The following ACSS2 variants were observed in gnomAD, a reference collection of about 807,000 sequenced individuals.
The protein encoded by ACSS2 is acyl-CoA synthetase short chain family member 2, also known as acetyl-coenzyme A synthetase, cytoplasmic.
Under a neutral mutation model 90.6 loss-of-function variants are expected in ACSS2, and 58 were observed. The ratio of observed to expected loss-of-function variants is 0.64; its 90% confidence interval spans 0.52 to 0.80. The LOEUF (loss-of-function observed/expected upper bound fraction) is 0.80. Ranked by LOEUF, ACSS2 falls within the 30% of genes least tolerant of loss-of-function variation. The probability of loss-of-function intolerance (pLI) is 0.00; values close to 1 mark genes in which losing one functional copy is unlikely to be tolerated. For synonymous variants in ACSS2, 300 were observed against 330.9 expected (o/e 0.91, Z 1.01); for missense variants, 759 against 912.0 (o/e 0.83, Z 2.16).
intron 2 of ACSS2, among the ~76,000 whole-genome samples, chr20:34,890,787 A>G (rs145686303): frequency 6.5e-4 from 99 of 152,156 alleles, no homozygotes; most frequent in African/African-American, 2.3e-3. Context: ...ATCCTTCTTC[A>G]GGAACTGGAG....
At chr20:34,875,587 C>CAA (rs527427121), upstream of ACSS2, among the ~76,000 whole-genome samples, 1 of 151,952 alleles carries the variant, frequency 6.6e-6, no homozygotes. Flanking sequence ...AAAACAACAA[C>CAA]AAAAAAAGAG....
In ACSS2 at chr20:34,913,393, G is replaced by A. The variant is rs1427036847; in HGVS notation, c.467G>A (p.Gly156Asp). ...CQFSNVLRKQ[G>D]IQKGDRVAIY... ...TCATATTCTGTGCTTTTACCTGCAGGCATTCAGAAGGGGGACCGAGTGGCC... is the reference window on the plus strand; with the variant it reads ...TCATATTCTGTGCTTTTACCTGCAGACATTCAGAAGGGGGACCGAGTGGCC... Residue 156 changes from glycine (G) to aspartate (D), a missense_variant and splice_region_variant, in exon 4 of 18, where the codon GGC becomes GAC. Transcript: ENST00000360596. 3.1e-6 allele frequency: 5 copies of A among 1,613,774 alleles called. No homozygotes were observed. In the African/African-American group the frequency reaches 4.0e-5, roughly 13 times the overall value.
At chr20:34,918,140 C>G (rs989918000) in intron 7 of ACSS2, among the ~76,000 whole-genome samples, 1 of 152,206 alleles carries the variant, frequency 6.6e-6, no homozygotes, top group African/African-American at 2.4e-5. Flanking sequence ...CATCTCACCC[C>G]AACCTCTACC....
In ACSS2 at chr20:34,882,876, T is replaced by C. The variant is rs774402427; in HGVS notation, c.261T>C (p.Thr87=). 1.1e-5 allele frequency: 18 copies of C among 1,613,968 alleles called. No homozygotes were observed. The East Asian group carries it at 4.0e-4, about 36-fold the overall frequency. The change falls in exon 2 of 18, where the codon ACT becomes ACC. Residue 87 remains threonine, a synonymous_variant. Coordinates refer to ENST00000360596, the MANE Select transcript of ACSS2 (RefSeq NM_018677.4). ...GPFLRYNFDV[T]KGKIFIEWMK... ...TCCTTCGGTACAACTTTGATGTGACTAAAGGGAAAATCTTCATTGAGTGGA... is the reference window on the plus strand; with the variant it reads ...TCCTTCGGTACAACTTTGATGTGACCAAAGGGAAAATCTTCATTGAGTGGA...
chr20:34,882,436 A>T (rs1243087524), intron 1 of ACSS2, among the ~76,000 whole-genome samples: 1 of 152,132 alleles, frequency 6.6e-6, no homozygotes, highest in Non-Finnish European at 1.5e-5. Flanking sequence ...AGCCTGGCCA[A>T]CATAGTGAAA....
rs118004731 is a variant in ACSS2, at chr20:34,900,579, T to G, written c.375-12517T>G. Among the ~76,000 whole-genome samples, 1,443 of 152,292 alleles carry G rather than the reference T, an allele frequency of 9.5e-3. 9 individuals are homozygous for G. Among genetic ancestry groups the G allele is most frequent in the Non-Finnish European group, 0.016 (1,067 of 68,022 alleles). ...TCATAAATAGTCCACTGATTGAGGCTATTTACTCTAGTTTCATCAGTTTTG... is the reference window on the plus strand; with the variant it reads ...TCATAAATAGTCCACTGATTGAGGCGATTTACTCTAGTTTCATCAGTTTTG... On this transcript the variant is annotated intron_variant, in intron 2 of 17. Transcript: ENST00000360596.
At chr20:34,882,746 A>G in intron 1 of ACSS2, 48 bp from the exon 2 acceptor site, 1 of 1,576,008 alleles carries the variant, frequency 6.3e-7, no homozygotes, top group Non-Finnish European at 8.7e-7. Context: ...CTGAGGCTAA[A>G]TATGTCTCAG....
chr20:34,891,934 A>G (rs993845456), intron 2 of ACSS2, among the ~76,000 whole-genome samples: 3 of 152,194 alleles, frequency 2.0e-5, no homozygotes, highest in African/African-American at 7.2e-5. Flanking sequence ...CCTGAGCTTC[A>G]TATCAGCTAC....
At chr20:34,921,721 C>T in intron 12 of ACSS2, 65 bp from the exon 13 acceptor site, 2 of 1,608,290 alleles carry the variant, frequency 1.2e-6, no homozygotes, top group Admixed American at 3.3e-5. Flanking sequence ...TTCTGGGGCC[C>T]CTTGGGAGTT....
intron 2 of ACSS2, among the ~76,000 whole-genome samples, chr20:34,885,930 G>C (rs145890564): frequency 6.6e-6 from 1 of 151,986 alleles, no homozygotes; most frequent in Non-Finnish European, 1.5e-5. Context: ...ATGGATATGG[G>C]GGTAAAAAGG....
intron 7 of ACSS2, among the ~76,000 whole-genome samples, chr20:34,915,845 C>T (rs949419395): frequency 2.0e-5 from 3 of 152,176 alleles, no homozygotes; most frequent in African/African-American, 7.2e-5. Context: ...GTGCTCAAAG[C>T]AGATTAGTAT....
Position 34,923,378 on chromosome 20 carries a change from G to T in ACSS2, c.1604G>T (p.Arg535Leu), listed in dbSNP as rs747577313. 5.6e-6 allele frequency: 9 copies of T among 1,614,074 alleles called. No homozygotes were observed. Among genetic ancestry groups the T allele is most frequent in the Non-Finnish European group, 7.6e-6 (9 of 1,180,050 alleles). Residue 535 changes from arginine to leucine, a missense_variant, in exon 14 of 18, where the codon CGC (arginine) becomes CTC (leucine). Transcript: ENST00000360596. ...CGCACAGTCTATGGGAACCACGAAC[G>T]CTTTGAGACAACCTACTTTAAGAAG... ...IMRTVYGNHE[R>L]FETTYFKKFP...
intron 2 of ACSS2, among the ~76,000 whole-genome samples, chr20:34,887,059 G>A (rs2080212561): frequency 6.6e-6 from 1 of 152,138 alleles, no homozygotes; most frequent in African/African-American, 2.4e-5. Context: ...TTTACTTTTG[G>A]CTTGACACAT....
chr20:34,897,036 G>A (rs6088643), intron 2 of ACSS2, among the ~76,000 whole-genome samples: 8 of 147,038 alleles, frequency 5.4e-5, no homozygotes, highest in Non-Finnish European at 6.0e-5. Context: ...TCAAAAAAAG[G>A]AAAAAAAAAA....
intron 8 of ACSS2, 64 bp downstream of exon 8, chr20:34,919,636 G>A: frequency 2.0e-6 from 3 of 1,514,664 alleles, no homozygotes; most frequent in Non-Finnish European, 8.9e-7. Flanking sequence ...GTAGGGGTAA[G>A]AAGTAAGTTT....
Position 34,926,275 on chromosome 20 carries a change from A to G in ACSS2, c.1897A>G (p.Lys633Glu). ...CCCCAAGCTCACCGAGGAGCTCAAG[A>G]AGCAGAGTAAGGAGCCTCCCTGGGC... ...FSPKLTEELKKQIREKIGPIA... is the reference protein window; with the variant it reads ...FSPKLTEELKEQIREKIGPIA... Residue 633 changes from lysine to glutamate, a missense_variant, in exon 16 of 18, where the codon AAG (lysine) becomes GAG (glutamate). Physicochemically the swap from Lys to Glu is moderately conservative, Grantham distance 56. Transcript: ENST00000360596. 6.2e-7 allele frequency: 1 copy of G among 1,614,044 alleles called. No individual in the cohort carries two copies. The highest frequency in any genetic ancestry group is 1.1e-5 in the South Asian group (1 of 91,082).
intron 2 of ACSS2, among the ~76,000 whole-genome samples, chr20:34,905,978 A>G (rs978257217): frequency 6.6e-6 from 1 of 152,212 alleles, no homozygotes. Context: ...TGTGATGCCA[A>G]GCATAGCTAA....
chr20:34,920,883 C>T (rs1725369962), intron 9 of ACSS2, 123 bp from the exon 10 acceptor site: 1 of 1,519,706 alleles, frequency 6.6e-7, no homozygotes, highest in East Asian at 2.3e-5. Flanking sequence ...CTTGGCTTGT[C>T]TGGCCAGGGA....
rs1019090544 is a variant in ACSS2, at chr20:34,876,952, T to G, written c.178+129T>G. On this transcript the variant is annotated intron_variant, in intron 1 of 17. Coordinates refer to ENST00000360596, the MANE Select transcript of ACSS2 (RefSeq NM_018677.4). ...GATGGAGGTTCTGTGAAGGAAGAAT[T>G]GCGGTTCTTTGAAAATGGAAAAGGG... is the stretch of plus-strand genomic sequence containing the variant. The G allele has an allele frequency of 1.4e-5, 8 of 566,660 alleles. No homozygotes were observed. The African/African-American group carries it at 1.6e-4, about 11-fold the overall frequency. The allele number at this position is 566,660 out of a possible 1,614,324, so 35.1% of individuals were successfully genotyped here.
Sources: gnomAD v4.1 joint callset for allele counts (sites outside exome capture counted in the v4.1 genomes callset) on GRCh38, gnomAD v4.1.1 for gene constraint, MANE v1.5 for transcripts, NCBI Gene and HGNC (gene_info 2026-07-23, HGNC 2026-07-21) for gene names.